The following BNC2 variants were observed in gnomAD, a reference collection of about 807,000 sequenced individuals.
BNC2 encodes the protein zinc finger protein basonuclin-2.
In BNC2, 20 loss-of-function variants were observed where a neutral mutation model predicts 76.3. That is an observed-to-expected ratio of 0.26 (90% CI 0.18 to 0.38). BNC2 has a LOEUF of 0.38. Among genes scored for constraint, BNC2 ranks in the 10% least tolerant of loss-of-function variants. The pLI, the probability that BNC2 is intolerant of heterozygous loss-of-function variation, is 1.00. For synonymous variants in BNC2, 582 were observed against 514.8 expected (o/e 1.13, Z -1.77); for missense variants, 1,382 against 1,399.8 (o/e 0.99, Z 0.20).
intron 3 of BNC2, among the ~76,000 whole-genome samples, chr9:16,694,066 C>T (rs755346233): frequency 2.0e-5 from 3 of 152,056 alleles, no homozygotes; most frequent in Non-Finnish European, 2.9e-5. Flanking sequence ...GAGGGTGTGG[C>T]ATTTTTTTAG....
chr9:16,610,269 T>A (rs1397272785), intron 3 of BNC2, among the ~76,000 whole-genome samples: 1 of 152,126 alleles, frequency 6.6e-6, no homozygotes, highest in Non-Finnish European at 1.5e-5. Context: ...AGAGTGGCAT[T>A]TGGGAGCCCC....
chr9:16,532,637 G>GA (rs896145424), intron 5 of BNC2, among the ~76,000 whole-genome samples: 1 of 151,994 alleles, frequency 6.6e-6, no homozygotes, highest in Non-Finnish European at 1.5e-5. Flanking sequence ...AACATGCAAT[G>GA]AAAAAAATTA....
At position 16,736,778 on chromosome 9, in the gene BNC2, G is replaced by GT. The variant is rs1461146947; in HGVS notation, c.129+1581dup. On this transcript the variant is annotated intron_variant, in intron 2 of 6. Coordinates refer to ENST00000380672, the MANE Select transcript of BNC2 (RefSeq NM_017637.6). The stretch of plus-strand genomic sequence containing the variant: ...TATGAGCCACTGGGCCCGACCTATT[G>GT]TTTTTTTTTTCTTTCTGAGATGGAT... Among the ~76,000 whole-genome samples, 243 of 144,938 alleles carry GT rather than the reference G, an allele frequency of 1.7e-3. 1 individual carries two copies. Among genetic ancestry groups the GT allele is most frequent in the Non-Finnish European group, 2.8e-3 (183 of 65,686 alleles).
chr9:16,857,558 A>G (rs972006444), intron 1 of BNC2, among the ~76,000 whole-genome samples: 1 of 149,884 alleles, frequency 6.7e-6, no homozygotes, highest in African/African-American at 2.4e-5. Context: ...TCCCCTAGGG[A>G]AAAAAAAAAT....
At chr9:16,531,462 T>A (rs1242186669) in intron 5 of BNC2, among the ~76,000 whole-genome samples, 1 of 151,952 alleles carries the variant, frequency 6.6e-6, no homozygotes, top group East Asian at 1.9e-4. Context: ...ATTTTTTTTT[T>A]AAACAAAAAC....
intron 5 of BNC2, among the ~76,000 whole-genome samples, chr9:16,491,198 T>C (rs920522931): frequency 3.9e-5 from 6 of 151,964 alleles, no homozygotes; most frequent in Non-Finnish European, 7.4e-5. Flanking sequence ...GAAAAGCCAC[T>C]GAGAATCTTG....
In BNC2 at chr9:16,772,438, G is replaced by A. The variant is rs10962580; in HGVS notation, c.4-33953C>T. ...TTTTTTCCTTGTTCATAATGTTCAC[G>A]CTGTACATTAACAGGCAGAAAATCC... is the stretch of plus-strand genomic sequence containing the variant. On this transcript the variant is annotated intron_variant, in intron 1 of 6. Coordinates refer to ENST00000380672, the MANE Select transcript of BNC2 (RefSeq NM_017637.6). Among the ~76,000 whole-genome samples the A allele has an allele frequency of 1.7e-4, 26 of 151,742 alleles. No individual in the cohort carries two copies. The East Asian group carries it at 3.5e-3, about 20-fold the overall frequency.
intron 6 of BNC2, among the ~76,000 whole-genome samples, chr9:16,430,661 T>A (rs536706515): frequency 6.6e-6 from 1 of 152,298 alleles, no homozygotes; most frequent in South Asian, 2.1e-4. Context: ...TGCACACCTG[T>A]ACAGGGCTGG....
At chr9:16,682,169 C>G (rs996785772) in intron 3 of BNC2, among the ~76,000 whole-genome samples, 1 of 151,512 alleles carries the variant, frequency 6.6e-6, no homozygotes, top group African/African-American at 2.4e-5. Context: ...TTAGTTCATA[C>G]TGTTGTTAAA....
intron 5 of BNC2, among the ~76,000 whole-genome samples, chr9:16,468,825 T>G (rs1486143866): frequency 6.6e-6 from 1 of 152,206 alleles, no homozygotes; most frequent in Non-Finnish European, 1.5e-5. Context: ...AGGAGGTATC[T>G]AGGCCCAAAT....
At chr9:16,766,407 T>C (rs1825696326) in intron 1 of BNC2, among the ~76,000 whole-genome samples, 1 of 152,098 alleles carries the variant, frequency 6.6e-6, no homozygotes. Context: ...ATTTTCAGGA[T>C]GCTTAAATTC....
chr9:16,853,108 G>T (rs915925310), intron 1 of BNC2, among the ~76,000 whole-genome samples: 2 of 152,156 alleles, frequency 1.3e-5, no homozygotes, highest in African/African-American at 4.8e-5. Context: ...GAAGTACTAG[G>T]CCACTTAGAA....
chr9:16,588,708 A>C (rs904587978), intron 3 of BNC2, among the ~76,000 whole-genome samples: 5 of 152,230 alleles, frequency 3.3e-5, no homozygotes, highest in African/African-American at 4.8e-5. Context: ...ATTTGAAAGT[A>C]TTTTGGATGC....
chr9:16,478,283 T>G (rs1245463985), intron 5 of BNC2, among the ~76,000 whole-genome samples: 1 of 152,180 alleles, frequency 6.6e-6, no homozygotes. Flanking sequence ...GGCTTCCCCG[T>G]GGTCAGTCTG....
At chr9:16,585,892 A>C (rs1336075624) in intron 3 of BNC2, among the ~76,000 whole-genome samples, 2 of 152,020 alleles carry the variant, frequency 1.3e-5, no homozygotes, top group African/African-American at 4.8e-5. Flanking sequence ...GACAAGACCA[A>C]GCTGTTATAT....
chr9:16,540,537 T>G (rs1054431005), intron 5 of BNC2, among the ~76,000 whole-genome samples: 1 of 152,144 alleles, frequency 6.6e-6, no homozygotes, highest in Admixed American at 6.5e-5. Context: ...CTTAAAATAA[T>G]TTTTGTGGAT....
intron 3 of BNC2, among the ~76,000 whole-genome samples, chr9:16,627,510 C>G (rs919484876): frequency 3.3e-5 from 5 of 152,120 alleles, no homozygotes; most frequent in Non-Finnish European, 7.4e-5. Flanking sequence ...CAGTTCTGCA[C>G]AATACCAGGA....
intron 1 of BNC2, among the ~76,000 whole-genome samples, chr9:16,818,790 T>C (rs1818246330): frequency 6.6e-6 from 1 of 152,116 alleles, no homozygotes; most frequent in Non-Finnish European, 1.5e-5. Context: ...ACCACCCAAG[T>C]AGCTGAGGTT....
intron 5 of BNC2, among the ~76,000 whole-genome samples, chr9:16,439,748 T>C (rs1198754497): frequency 6.6e-6 from 1 of 152,216 alleles, no homozygotes; most frequent in Non-Finnish European, 1.5e-5. Context: ...GATAGTTATG[T>C]GCCCCCCTTT....
Sources: gnomAD v4.1 joint callset for allele counts (sites outside exome capture counted in the v4.1 genomes callset) on GRCh38, gnomAD v4.1.1 for gene constraint, MANE v1.5 for transcripts, NCBI Gene and HGNC (gene_info 2026-07-23, HGNC 2026-07-21) for gene names.